Variants in VEZT observed in about 807,000 individuals in gnomAD.
The protein encoded by VEZT is vezatin.
A neutral mutation model predicts 79.9 loss-of-function variants in VEZT; 39 were observed. The ratio of observed to expected loss-of-function variants is 0.49; its 90% CI spans 0.38 to 0.64. The LOEUF (loss-of-function observed/expected upper bound fraction) is 0.64. Among genes scored for constraint, VEZT ranks in the 30% least tolerant of loss-of-function variants. The pLI is 0.00. For synonymous variants in VEZT, 325 were observed against 327.6 expected, an observed-to-expected ratio of 0.99 and a Z score of 0.09; for missense variants, 837 against 893.1, an observed-to-expected ratio of 0.94 and a Z score of 0.80.
chr12:95,301,670 C>T lies in VEZT; in HGVS notation c.*997C>T, dbSNP rs2075224027. 1 of 152,198 alleles carries T rather than the reference C, an allele frequency of 6.6e-6. No homozygotes were observed. Among genetic ancestry groups the T allele is most frequent in the South Asian group, 2.1e-4 (1 of 4,828 alleles). 9.4% of individuals were successfully genotyped at this position (152,198 alleles called of 1,614,324 possible). On this transcript the variant is annotated 3_prime_UTR_variant, in exon 12 of 12. Coordinates refer to ENST00000436874, the MANE Select transcript of VEZT (RefSeq NM_017599.4). ...ATTTTCAAAGAGTAATTATTTTCAG[C>T]ATATACAGTTTTGAAACCTGTAGCT...
chr12:95,235,740 G>T (rs1363265598), intron 1 of VEZT, among the ~76,000 whole-genome samples: 2 of 151,744 alleles, frequency 1.3e-5, no homozygotes, highest in Admixed American at 6.6e-5. Flanking sequence ...CCTCCCGGAC[G>T]GGGTGGTTGC....
At chr12:95,284,154 AGT>A (rs1429756706) in intron 8 of VEZT, among the ~76,000 whole-genome samples, 4 of 152,230 alleles carry the variant, frequency 2.6e-5, no homozygotes, top group Admixed American at 1.3e-4. Context: ...CCTGTTTTAA[AGT>A]GTAATATTCT....
intron 1 of VEZT, among the ~76,000 whole-genome samples, chr12:95,238,810 A>C (rs188247603): frequency 6.6e-6 from 1 of 152,310 alleles, no homozygotes; most frequent in Admixed American, 6.5e-5. Flanking sequence ...TTAATACTTA[A>C]ACACATTTAT....
At position 95,270,175 on chromosome 12, in the gene VEZT, T is replaced by A; in HGVS notation, c.835T>A (p.Tyr279Asn). 1 of 1,604,284 alleles carries A rather than the reference T, an allele frequency of 6.2e-7. No individual in the cohort carries two copies. Among genetic ancestry groups the A allele is most frequent in the Non-Finnish European group, 8.5e-7 (1 of 1,175,994 alleles). The change falls in exon 6 of 12, where the codon TAT becomes AAT. Residue 279 changes from tyrosine (Y) to asparagine (N), a missense_variant. Tyr to Asn is a moderately radical substitution (Grantham distance 143, BLOSUM62 -2). Coordinates refer to ENST00000436874, the MANE Select transcript of VEZT (RefSeq NM_017599.4). Reference sequence around the variant, plus strand: ...CCAAGCAGCAAGGCTAGCTACCCTATATATGCTGAAAAAATATCCTTTTCT... The same window carrying A: ...CCAAGCAGCAAGGCTAGCTACCCTAAATATGCTGAAAAAATATCCTTTTCT... Reference protein sequence around the residue: ...NFQAARLATLYMLKNYPLNSE... With the variant: ...NFQAARLATLNMLKNYPLNSE...
At chr12:95,229,421 G>T (rs187854888) in intron 1 of VEZT, among the ~76,000 whole-genome samples, 1 of 152,170 alleles carries the variant, frequency 6.6e-6, no homozygotes, top group African/African-American at 2.4e-5. Context: ...TCAAGAGACT[G>T]ACTGACATAA....
rs747893837 is a variant in VEZT, at chr12:95,266,484, T to G, written c.562T>G (p.Trp188Gly). ...VYLVIRALRL[W>G]RTAKLQVTLK... ...TCTGGTCATAAGAGCTTTGAGATTA[T>G]GGAGGACAGCCAAACTACAAGTGAC... The change falls in exon 5 of 12, where the codon TGG becomes GGG. Residue 188 changes from tryptophan to glycine, a missense_variant. Transcript: ENST00000436874. The G allele has an allele frequency of 6.2e-7, 1 of 1,613,918 alleles. No homozygotes were observed. Among genetic ancestry groups the G allele is most frequent in the South Asian group, 1.1e-5 (1 of 91,074 alleles).
At chr12:95,252,195 A>G (rs1025210345) in intron 2 of VEZT, 124 bp downstream of exon 2, 60 of 1,039,710 alleles carry the variant, frequency 5.8e-5, no homozygotes, top group Non-Finnish European at 6.6e-5. Context: ...TTTCATCAAT[A>G]GTACAAAACT....
chr12:95,264,702 G>A (rs2065159246), intron 4 of VEZT, among the ~76,000 whole-genome samples: 2 of 151,984 alleles, frequency 1.3e-5, no homozygotes, highest in Middle Eastern at 3.4e-3. Flanking sequence ...CTCCCAAAGT[G>A]CTGGGATTAC....
At chr12:95,262,157 CTA>C (rs2064662309) in intron 3 of VEZT, 1 of 152,206 alleles carries the variant, frequency 6.6e-6, no homozygotes, top group Non-Finnish European at 1.5e-5. Flanking sequence ...CTTGGTCCCT[CTA>C]TGCCATTTTC....
intron 3 of VEZT, among the ~76,000 whole-genome samples, chr12:95,260,333 T>C (rs187580840): frequency 2.0e-5 from 3 of 152,232 alleles, no homozygotes; most frequent in African/African-American, 7.2e-5. Flanking sequence ...CTTGAACTCT[T>C]GGCCTCAAGT....
chr12:95,269,963 A>G, intron 5 of VEZT, 88 bp from the exon 6 acceptor site: 1 of 1,458,994 alleles, frequency 6.9e-7, no homozygotes, highest in East Asian at 2.5e-5. Flanking sequence ...TGTTTTCTAC[A>G]TTTAATAGAA....
chr12:95,261,557 A>C (rs2064492713), intron 3 of VEZT, among the ~76,000 whole-genome samples: 1 of 152,056 alleles, frequency 6.6e-6, no homozygotes, highest in Non-Finnish European at 1.5e-5. Context: ...GATTACAGGC[A>C]TGTGCCACCA....
Position 95,300,574 on chromosome 12 carries a change from T to G in VEZT, c.2241T>G (p.Ala747=). 1 of 1,613,936 alleles carries G rather than the reference T, an allele frequency of 6.2e-7. No individual in the cohort carries two copies. The highest frequency in any genetic ancestry group is 1.1e-5 in the South Asian group (1 of 91,082). The change falls in exon 12 of 12, where the codon GCT becomes GCG. Residue 747 remains alanine, a synonymous_variant. Coordinates refer to ENST00000436874, the MANE Select transcript of VEZT (RefSeq NM_017599.4). The stretch of plus-strand genomic sequence containing the variant: ...CTGGCCTTGCTGCAGAAGTGGCTGC[T>G]AGATCTCTCTCCTTTACCACCATGC... ...FTAGLAAEVA[A]RSLSFTTMQE...
intron 1 of VEZT, among the ~76,000 whole-genome samples, chr12:95,251,665 T>G (rs1044714440): frequency 6.6e-6 from 1 of 152,208 alleles, no homozygotes; most frequent in African/African-American, 2.4e-5. Flanking sequence ...TTTATATTCC[T>G]AAATTCATTT....
chr12:95,236,573 T>A (rs765599437), intron 1 of VEZT, among the ~76,000 whole-genome samples: 2 of 151,826 alleles, frequency 1.3e-5, no homozygotes, highest in Non-Finnish European at 2.9e-5. Flanking sequence ...TCTTACTGAA[T>A]TCTTTTTTTT....
chr12:95,263,414 C>G (rs2064913476), intron 4 of VEZT, among the ~76,000 whole-genome samples: 1 of 152,160 alleles, frequency 6.6e-6, no homozygotes, highest in Non-Finnish European at 1.5e-5. Flanking sequence ...CTTTGGGAGG[C>G]TGAGGTGGTA....
At chr12:95,261,070 T>G (rs2064383353) in intron 3 of VEZT, among the ~76,000 whole-genome samples, 2 of 151,012 alleles carry the variant, frequency 1.3e-5, no homozygotes, top group Non-Finnish European at 2.9e-5. Context: ...GAAGATGCTC[T>G]CTTTTTGGAC....
At chr12:95,234,781 T>G (rs537022470) in intron 1 of VEZT, among the ~76,000 whole-genome samples, 1 of 152,058 alleles carries the variant, frequency 6.6e-6, no homozygotes, top group African/African-American at 2.4e-5. Flanking sequence ...GGTCTCTGGT[T>G]TTCCTAGGCA....
At chr12:95,244,645 T>G (rs1755557167) in intron 1 of VEZT, among the ~76,000 whole-genome samples, 1 of 151,304 alleles carries the variant, frequency 6.6e-6, no homozygotes, top group South Asian at 2.1e-4. Context: ...TGGTGTGCAA[T>G]GGTGTGATCT....
Sources: allele counts gnomAD v4.1 joint callset (sites outside exome capture counted in the v4.1 genomes callset), GRCh38; gene constraint gnomAD v4.1.1; transcripts MANE v1.5; gene names NCBI Gene and HGNC (gene_info 2026-07-23, HGNC 2026-07-21).